The following EIF4E1B variants were observed in gnomAD, a reference collection of about 807,000 sequenced individuals.
EIF4E1B encodes the protein eukaryotic translation initiation factor 4E type 1B.
EIF4E1B carries 22 observed loss-of-function variants against 31.3 expected under a neutral mutation model. The ratio of observed to expected loss-of-function variants is 0.70; its 90% CI spans 0.50 to 1.00. EIF4E1B has a LOEUF of 1.00. EIF4E1B is among the 50% of genes least tolerant of loss of function. EIF4E1B has a pLI of 0.00. For missense variants in EIF4E1B, 290 were observed against 311.6 expected (o/e 0.93, Z 0.52); for synonymous variants, 126 against 120.2 (o/e 1.05, Z -0.31).
intron 1 of EIF4E1B, among the ~76,000 whole-genome samples, chr5:176,637,846 C>T (rs969150083): frequency 3.3e-5 from 5 of 152,068 alleles, no homozygotes; most frequent in Non-Finnish European, 7.4e-5. Flanking sequence ...AGGGAGGGGA[C>T]TATTCTTGGG....
Position 176,632,298 on chromosome 5 carries a change from C to T in EIF4E1B, c.-202+1234C>T, listed in dbSNP as rs1035787542. 1.7e-4 allele frequency among the ~76,000 whole-genome samples: 26 copies of T among 152,240 alleles called. 1 individual carries two copies. Among genetic ancestry groups the T allele is most frequent in the Non-Finnish European group, 3.4e-4 (23 of 68,018 alleles). ...TGAGATGGAGTCTCCCTCTGTCACC[C>T]AGGCTGGAGTGCAGTGGTGCAATCT... On this transcript the variant is annotated intron_variant, in intron 1 of 8. Transcript: ENST00000318682.
In EIF4E1B at chr5:176,643,274, G is replaced by A. The variant is rs1341170082; in HGVS notation, c.200+8G>A. 1 of 1,609,686 alleles carries A rather than the reference G, an allele frequency of 6.2e-7. No individual in the cohort carries two copies. Among genetic ancestry groups the A allele is most frequent in the Non-Finnish European group, 8.5e-7 (1 of 1,178,262 alleles). On this transcript the variant is annotated splice_region_variant and intron_variant, in intron 4 of 8. Transcript: ENST00000318682. ...GCACCCCTTGCAGAACAGGTAGGCA[G>A]GAGCCTGCGAGTGGAACACAGCCCC... is the stretch of plus-strand genomic sequence containing the variant.
In EIF4E1B at chr5:176,644,360, C is replaced by CG. The variant is rs1256692927; in HGVS notation, c.297-11dup. On this transcript the variant is annotated splice_polypyrimidine_tract_variant and intron_variant, in intron 5 of 8. Transcript: ENST00000318682. The stretch of plus-strand genomic sequence containing the variant: ...AAAGCCTTGACTTTTGGCATGGGGT[C>CG]GGGGGCTCTGTCCAGGCTATACAGT... 3 of 1,580,008 alleles carry CG rather than the reference C, an allele frequency of 1.9e-6. No homozygotes were observed. In the African/African-American group the frequency reaches 4.0e-5, roughly 21 times the overall value.
rs759283330 is a variant in EIF4E1B at position 176,645,498 on chromosome 5, C to T, written c.596C>T (p.Ala199Val). The change falls in exon 8 of 9, where the codon GCG (alanine) becomes GTG (valine). Residue 199 changes from alanine to valine, a missense_variant. Coordinates refer to ENST00000318682, the MANE Select transcript of EIF4E1B (RefSeq NM_001099408.2). The surrounding 1 kb of genome is among the most constrained non-coding windows in gnomAD (Gnocchi z 5.4). ...TGGACGAGGGAGGCGGAAAACCAGG[C>T]GGGCGTGCTGCACGTTGGGTGAGGA... ...AVWTREAENQ[A>V]GVLHVGRVYK... 15 of 1,515,524 alleles carry T rather than the reference C, an allele frequency of 9.9e-6. No individual in the cohort carries two copies. Among genetic ancestry groups the T allele is most frequent in the Admixed American group, 4.7e-5 (2 of 42,986 alleles). 93.9% of individuals were successfully genotyped at this position (1,515,524 alleles called of 1,614,324 possible). A position where few individuals can be genotyped will look rare whatever the true frequency, so the allele number is the denominator to read the frequency against.
intron 1 of EIF4E1B, among the ~76,000 whole-genome samples, chr5:176,639,593 G>C (rs1337175492): frequency 2.0e-5 from 3 of 152,092 alleles, no homozygotes; most frequent in Non-Finnish European, 4.4e-5. Context: ...CCGGTACTGG[G>C]GGGAGCCCTT....
Position 176,638,971 on chromosome 5 carries a change from T to C in EIF4E1B, c.-201-3072T>C, listed in dbSNP as rs1490697060. Among the ~76,000 whole-genome samples, 1 of 152,160 alleles carries C rather than the reference T, an allele frequency of 6.6e-6. No homozygotes were observed. The highest frequency in any genetic ancestry group is 1.5e-5 in the Non-Finnish European group (1 of 68,038). ...GTTGCTGTTGTTGTTTGTTTGTTTG[T>C]TTTATTTTTAGTAGAGACACGGTTT... On this transcript the variant is annotated intron_variant, in intron 1 of 8. Coordinates refer to ENST00000318682, the MANE Select transcript of EIF4E1B (RefSeq NM_001099408.2). The surrounding 1 kb of genome is among the most constrained non-coding windows in gnomAD (Gnocchi z 4.3).
Position 176,644,047 on chromosome 5 carries a change from CAG to C in EIF4E1B, c.296+314_296+315del, listed in dbSNP as rs1422036549. Reference sequence around the variant, plus strand: ...CTGCAAAGGGAGGACTCGGCTGCCTCAGTGTCCGGGTGCTCACGGGAGTGGCT... The same window carrying C: ...CTGCAAAGGGAGGACTCGGCTGCCTCTGTCCGGGTGCTCACGGGAGTGGCT... On this transcript the variant is annotated intron_variant, in intron 5 of 8. Coordinates refer to ENST00000318682, the MANE Select transcript of EIF4E1B (RefSeq NM_001099408.2). 4 of 553,866 alleles carry C rather than the reference CAG, an allele frequency of 7.2e-6. No homozygotes were observed. In the African/African-American group the frequency reaches 7.5e-5, roughly 10 times the overall value. 34.3% of individuals were successfully genotyped at this position (553,866 alleles called of 1,614,324 possible).
chr5:176,645,484 G>C lies in EIF4E1B; in HGVS notation c.582G>C (p.Glu194Asp), dbSNP rs1760678103. 2 of 1,518,504 alleles carry C rather than the reference G, an allele frequency of 1.3e-6. No individual in the cohort carries two copies. Among genetic ancestry groups the C allele is most frequent in the Non-Finnish European group, 1.8e-6 (2 of 1,135,484 alleles). 94.1% of individuals were successfully genotyped at this position (1,518,504 alleles called of 1,614,324 possible). A position where few individuals can be genotyped will look rare whatever the true frequency, so the allele number is the denominator to read the frequency against. ...ACAAGATCGCTGTGTGGACGAGGGA[G>C]GCGGAAAACCAGGCGGGCGTGCTGC... is the stretch of plus-strand genomic sequence containing the variant. ...KGDKIAVWTR[E>D]AENQAGVLHV... The change falls in exon 8 of 9, where the codon GAG (glutamate) becomes GAC (aspartate). Residue 194 changes from glutamate (E) to aspartate (D), a missense_variant. By Grantham distance (45) the Glu-to-Asp change is conservative (BLOSUM62 2). Coordinates refer to ENST00000318682, the MANE Select transcript of EIF4E1B (RefSeq NM_001099408.2). The surrounding 1 kb of genome is among the most constrained non-coding windows in gnomAD (Gnocchi z 5.4).
chr5:176,632,237 G>A (rs1318300854), intron 1 of EIF4E1B, among the ~76,000 whole-genome samples: 2 of 151,934 alleles, frequency 1.3e-5, no homozygotes, highest in Non-Finnish European at 2.9e-5. Flanking sequence ...CATATTTATG[G>A]CTAGATATAC....
chr5:176,634,783 C>T (rs1372668568), intron 1 of EIF4E1B, among the ~76,000 whole-genome samples: 3 of 151,260 alleles, frequency 2.0e-5, no homozygotes, highest in Non-Finnish European at 4.4e-5. Context: ...GATTCTCCTG[C>T]CTCAGCCTCC....
Position 176,643,218 on chromosome 5 carries a change from C to A in EIF4E1B, c.152C>A (p.Thr51Lys), listed in dbSNP as rs779126438. ...CTGTCTCTGAGAGGGAAGGCCCGGA[C>A]GGGGGGCCCCATGGAAGTCAAGCTG... ...TLLSLRGKAR[T>K]GGPMEVKLEL... Residue 51 changes from threonine to lysine, a missense_variant, in exon 4 of 9, where the codon ACG (threonine) becomes AAG (lysine). Thr to Lys is a moderately conservative substitution (Grantham distance 78). Transcript: ENST00000318682. The A allele has an allele frequency of 2.2e-5, 35 of 1,613,094 alleles. No individual in the cohort carries two copies. The East Asian group carries it at 7.8e-4, about 36-fold the overall frequency.
At chr5:176,632,134 T>C (rs1760407223) in intron 1 of EIF4E1B, among the ~76,000 whole-genome samples, 1 of 152,262 alleles carries the variant, frequency 6.6e-6, no homozygotes, top group African/African-American at 2.4e-5. Flanking sequence ...ACTTATAATT[T>C]TCTATGTGTC....
At chr5:176,640,135 C>T (rs1442217673) in intron 1 of EIF4E1B, among the ~76,000 whole-genome samples, 1 of 152,228 alleles carries the variant, frequency 6.6e-6, no homozygotes, top group Non-Finnish European at 1.5e-5. Context: ...GCAGCTTCTG[C>T]TTCCTGTCTC....
At chr5:176,632,503 A>T (rs1760422899) in intron 1 of EIF4E1B, among the ~76,000 whole-genome samples, 1 of 152,146 alleles carries the variant, frequency 6.6e-6, no homozygotes, top group African/African-American at 2.4e-5. Context: ...TGATCGGCCC[A>T]CCTAGGCCTC....
At chr5:176,636,258 G>C (rs1347475144) in intron 1 of EIF4E1B, among the ~76,000 whole-genome samples, 1 of 152,220 alleles carries the variant, frequency 6.6e-6, no homozygotes, top group Non-Finnish European at 1.5e-5. Context: ...CCACCCTTTA[G>C]AGCATGGGGT....
intron 5 of EIF4E1B, 120 bp from the exon 6 acceptor site, chr5:176,644,256 C>T: frequency 3.0e-6 from 3 of 991,230 alleles, no homozygotes; most frequent in Non-Finnish European, 4.4e-6. Flanking sequence ...GGTGGCAGGC[C>T]AGTGTAAGCA....
chr5:176,645,249 T>G lies in EIF4E1B; in HGVS notation c.474+6T>G. 6.2e-7 allele frequency: 1 copy of G among 1,600,966 alleles called. No homozygotes were observed. The highest frequency in any genetic ancestry group is 8.5e-7 in the Non-Finnish European group (1 of 1,173,936). The stretch of plus-strand genomic sequence containing the variant: ...ACCGGCTGTGGCTGGAGACGGTGAG[T>G]TGGAGGAGGAGGGTCCTCAGGGGAA... On this transcript the variant is annotated splice_donor_region_variant and intron_variant, in intron 7 of 8. Coordinates refer to ENST00000318682, the MANE Select transcript of EIF4E1B (RefSeq NM_001099408.2). The surrounding 1 kb of genome is among the most constrained non-coding windows in gnomAD (Gnocchi z 5.4).
chr5:176,635,543 C>T (rs563045822), intron 1 of EIF4E1B, among the ~76,000 whole-genome samples: 3 of 152,304 alleles, frequency 2.0e-5, no homozygotes, highest in South Asian at 2.1e-4. Context: ...GCAGGAAGTT[C>T]GTTTGGCTGC....
intron 3 of EIF4E1B, 48 bp downstream of exon 3, chr5:176,642,850 C>CT (rs1282620494): frequency 2.7e-5 from 35 of 1,290,290 alleles, no homozygotes; most frequent in Admixed American, 5.7e-5. Flanking sequence ...GCCCCGCCCT[C>CT]TCCCCCCCCC....
Sources: gnomAD v4.1 joint callset for allele counts (sites outside exome capture counted in the v4.1 genomes callset) on GRCh38, gnomAD v4.1.1 for gene constraint, Gnocchi (gnomAD v3.1) non-coding constraint, MANE v1.5 for transcripts, NCBI Gene and HGNC (gene_info 2026-07-23, HGNC 2026-07-21) for gene names.